HPS5: variants seen among roughly 807,000 people sequenced by gnomAD.
The protein encoded by HPS5 is BLOC-2 complex member HPS5.
Under a neutral mutation model 128.0 loss-of-function variants are expected in HPS5, and 83 were observed. That is an observed-to-expected ratio of 0.65 (90% CI 0.54 to 0.78). The LOEUF (loss-of-function observed/expected upper bound fraction) is 0.78. HPS5 is among the 30% of genes least tolerant of loss of function. The pLI is 0.00. For missense variants in HPS5, 1,281 were observed against 1,326.2 expected, an observed-to-expected ratio of 0.97 and a Z score of 0.53; for synonymous variants, 475 against 470.2, an observed-to-expected ratio of 1.01 and a Z score of -0.13.
Position 18,291,353 on chromosome 11 carries a change from TTAAA to T in HPS5, c.2440+85_2440+88del, listed in dbSNP as rs1327723956. The T allele has an allele frequency of 1.5e-5, 12 of 819,890 alleles. No homozygotes were observed. The African/African-American group carries it at 2.0e-4, about 14-fold the overall frequency. 50.8% of individuals were successfully genotyped at this position (819,890 alleles called of 1,614,324 possible). ...GACCAGAACAGATGTGATTTTCTAC[TTAAA>T]TCTTTTTTTTAAACCCCAAAATTCA... On this transcript the variant is annotated intron_variant, in intron 16 of 22. Coordinates refer to ENST00000349215, the MANE Select transcript of HPS5 (RefSeq NM_181507.2).
Position 18,291,924 on chromosome 11 carries a change from A to G in HPS5, c.1958T>C (p.Met653Thr). 6 of 1,609,164 alleles carry G rather than the reference A, an allele frequency of 3.7e-6. No homozygotes were observed. The highest frequency in any genetic ancestry group is 1.7e-4 in the Middle Eastern group (1 of 6,028). The change falls in exon 16 of 23, where the codon ATG (methionine) becomes ACG (threonine). Residue 653 changes from methionine to threonine, a missense_variant. Coordinates refer to ENST00000349215, the MANE Select transcript of HPS5 (RefSeq NM_181507.2). ...WLSHLEKTFA[M>T]KDFSGVSDTD... ...ATCTGAAACACCTGAAAAGTCCTTCATGGCAAATGTTTTTTCTAAATGTGA... is the reference window on the plus strand; with the variant it reads ...ATCTGAAACACCTGAAAAGTCCTTCGTGGCAAATGTTTTTTCTAAATGTGA...
intron 13 of HPS5, 48 bp from the exon 14 acceptor site, chr11:18,295,217 G>T: frequency 1.9e-6 from 3 of 1,571,688 alleles, no homozygotes; most frequent in Non-Finnish European, 2.6e-6. Context: ...ACTTATTACT[G>T]AGAAAACTCA....
chr11:18,319,882 C>A (rs772937808), intron 1 of HPS5, among the ~76,000 whole-genome samples: 9 of 151,880 alleles, frequency 5.9e-5, no homozygotes, highest in African/African-American at 1.2e-4. Context: ...GAGTCTAGAA[C>A]GAAAGGGACT....
intron 2 of HPS5, among the ~76,000 whole-genome samples, chr11:18,313,003 C>T (rs1355078080): frequency 6.6e-6 from 1 of 152,224 alleles, no homozygotes; most frequent in Non-Finnish European, 1.5e-5. Flanking sequence ...AATTGTTACT[C>T]ATATTACTGT....
intron 1 of HPS5, among the ~76,000 whole-genome samples, chr11:18,319,255 CCACACA>C (rs10531816): frequency 0.055 from 7,587 of 139,146 alleles, 246 homozygotes; most frequent in Middle Eastern, 0.093. Context: ...AAGACAAATA[CCACACA>C]CACACACACA....
chr11:18,312,127 C>T, intron 2 of HPS5, 103 bp from the exon 3 acceptor site: 3 of 859,118 alleles, frequency 3.5e-6, no homozygotes, highest in East Asian at 4.9e-5. Context: ...GGCTCCTTCC[C>T]TCACTTTACC....
At chr11:18,287,784 A>T in intron 17 of HPS5, 94 bp from the exon 18 acceptor site, 3 of 1,581,724 alleles carry the variant, frequency 1.9e-6, no homozygotes, top group South Asian at 2.2e-5. Flanking sequence ...GAAAATAAAT[A>T]TACTAACAGA....
intron 2 of HPS5, 66 bp downstream of exon 2, chr11:18,317,685 G>T: frequency 1.4e-6 from 2 of 1,475,816 alleles, no homozygotes; most frequent in Non-Finnish European, 1.9e-6. Flanking sequence ...TAAGGAACTG[G>T]AGGGTAGGGG....
chr11:18,286,714 A>G lies in HPS5; in HGVS notation c.2718-4T>C. 1.9e-6 allele frequency: 3 copies of G among 1,613,960 alleles called. No homozygotes were observed. The highest frequency in any genetic ancestry group is 2.5e-6 in the Non-Finnish European group (3 of 1,179,956). ...AAGGGACTCAAGAAAAGATGACCTA[A>G]GAGAAAGTTGGGGAAAAAAGTCACC... On this transcript the variant is annotated splice_region_variant and splice_polypyrimidine_tract_variant and intron_variant, in intron 18 of 22. Coordinates refer to ENST00000349215, the MANE Select transcript of HPS5 (RefSeq NM_181507.2).
At chr11:18,280,029 G>T in intron 22 of HPS5, 87 bp from the exon 23 acceptor site, 2 of 1,356,578 alleles carry the variant, frequency 1.5e-6, no homozygotes, top group Non-Finnish European at 2.1e-6. Flanking sequence ...AGTTTCAGAG[G>T]ATTCAAAAAG....
chr11:18,283,732 T>C, intron 21 of HPS5, 63 bp downstream of exon 21: 1 of 1,149,532 alleles, frequency 8.7e-7, no homozygotes, highest in East Asian at 2.3e-5. Context: ...ATTTTTTTGT[T>C]GAGAGGTCTG....
In HPS5 at chr11:18,306,161, C is replaced by T. The variant is rs1862339848; in HGVS notation, c.798G>A (p.Leu266=). Residue 266 remains leucine, a synonymous_variant, in exon 7 of 23, where the codon TTG becomes TTA. Transcript: ENST00000349215. ...STHQFKKLLS[L]PPLPVITLRS... ...TGAGAGTAATCACAGGGAGAGGTGG[C>T]AACGAGAGGAGTTTCTTGAACTGAT... 1.9e-6 allele frequency: 3 copies of T among 1,613,216 alleles called. No individual in the cohort carries two copies. The highest frequency in any genetic ancestry group is 1.7e-5 in the Admixed American group (1 of 60,016).
chr11:18,281,253 GC>G lies in HPS5; in HGVS notation c.3329+696del, dbSNP rs1184376687. ...GCCACCATGTCCAGTTAATTTTTTT[GC>G]ATTTTTTTTTTTTTTTTTTAGTAGA... is the stretch of plus-strand genomic sequence containing the variant. On this transcript the variant is annotated intron_variant, in intron 22 of 22. Transcript: ENST00000349215. 8.9e-4 allele frequency among the ~76,000 whole-genome samples: 115 copies of G among 128,694 alleles called. 1 individual carries two copies. The highest frequency in any genetic ancestry group is 3.2e-3 in the African/African-American group (111 of 34,660). The allele number at this position is 128,694 out of a possible 152,430, so 84.4% of individuals were successfully genotyped here. A position where few individuals can be genotyped will look rare whatever the true frequency, so the allele number is the denominator to read the frequency against.
chr11:18,307,574 T>A (rs1862514036), intron 6 of HPS5, among the ~76,000 whole-genome samples: 2 of 152,274 alleles, frequency 1.3e-5, no homozygotes, highest in Admixed American at 1.3e-4. Context: ...ATTTGTATAC[T>A]CATTAATCTT....
At chr11:18,290,506 T>C (rs1860263884) in intron 16 of HPS5, among the ~76,000 whole-genome samples, 1 of 152,230 alleles carries the variant, frequency 6.6e-6, no homozygotes, top group Admixed American at 6.5e-5. Flanking sequence ...ATTTCTGTAT[T>C]AGTAAGTTAC....
chr11:18,313,769 C>T (rs1456496500), intron 2 of HPS5, among the ~76,000 whole-genome samples: 1 of 152,000 alleles, frequency 6.6e-6, no homozygotes, highest in South Asian at 2.1e-4. Flanking sequence ...CAAAAATTAG[C>T]TGGGTGTGGC....
rs746785701 is a variant in HPS5, at chr11:18,310,807, T to C, written c.411A>G (p.Arg137=). The change falls in exon 5 of 23, where the codon AGA becomes AGG. Residue 137 remains arginine (R), a synonymous_variant. Coordinates refer to ENST00000349215, the MANE Select transcript of HPS5 (RefSeq NM_181507.2). Reference sequence around the variant, plus strand: ...TCCCAGCATGATCACCTACAAAAACTCTAAGAATAGCTGTATCCCAGCAGA... The same window carrying C: ...TCCCAGCATGATCACCTACAAAAACCCTAAGAATAGCTGTATCCCAGCAGA... The part of the protein sequence containing the change: ...TALCWDTAIL[R]VFVGDHAGKV... The C allele has an allele frequency of 6.2e-7, 1 of 1,614,058 alleles. No homozygotes were observed. Among genetic ancestry groups the C allele is most frequent in the Non-Finnish European group, 8.5e-7 (1 of 1,179,960 alleles).
intron 8 of HPS5, among the ~76,000 whole-genome samples, chr11:18,302,877 T>C (rs1861894667): frequency 7.5e-6 from 1 of 133,248 alleles, no homozygotes; most frequent in Admixed American, 8.1e-5. Flanking sequence ...GATCATAATT[T>C]TGATACTGAA....
At chr11:18,299,098 A>G (rs151060058) in intron 9 of HPS5, 128 bp from the exon 10 acceptor site, 155 of 802,286 alleles carry the variant, frequency 1.9e-4, no homozygotes, top group Middle Eastern at 1.4e-3. Context: ...TTTCATCTCT[A>G]TTTTTCTACT....
Sources: allele counts gnomAD v4.1 joint callset (sites outside exome capture counted in the v4.1 genomes callset), GRCh38; gene constraint gnomAD v4.1.1; transcripts MANE v1.5; gene names NCBI Gene and HGNC (gene_info 2026-07-23, HGNC 2026-07-21).